Variants in GOLM2 observed in about 807,000 individuals in gnomAD.
The protein encoded by GOLM2 is protein GOLM2.
GOLM2 carries 26 observed loss-of-function variants against 55.9 expected under a neutral mutation model. The ratio of observed to expected loss-of-function variants is 0.47; its 90% CI spans 0.34 to 0.65. The LOEUF (loss-of-function observed/expected upper bound fraction) is 0.65, where lower values mean the gene tolerates loss of function less well. GOLM2 is among the 30% of genes least tolerant of loss of function. GOLM2 has a pLI of 0.01. For synonymous variants in GOLM2, 165 were observed against 194.6 expected, an observed-to-expected ratio of 0.85 and a Z score of 1.27; for missense variants, 486 against 531.8, an observed-to-expected ratio of 0.91 and a Z score of 0.85.
At position 44,298,091 on chromosome 15, in the gene GOLM2, G is replaced by A. The variant is rs574657586; in HGVS notation, c.327+8735G>A. Among the ~76,000 whole-genome samples, 117 of 150,828 alleles carry A rather than the reference G, an allele frequency of 7.8e-4. 3 individuals are homozygous for A. In the South Asian group the frequency reaches 0.024, roughly 30 times the overall value. On this transcript the variant is annotated intron_variant, in intron 1 of 9. Transcript: ENST00000299957. ...TCACCATGTTGGCCAAGCTGGTCTC[G>A]AACTCCTGACCTTGTGAACCGTCCA...
At chr15:44,337,669 C>T (rs145784899) in intron 4 of GOLM2, 94 bp from the exon 5 acceptor site, 1 of 861,256 alleles carries the variant, frequency 1.2e-6, no homozygotes, top group African/African-American at 1.8e-5. Context: ...ATATGTTTTA[C>T]AAGATGAACT....
chr15:44,410,492 TAAAGTA>T (rs1210338401), intron 9 of GOLM2, among the ~76,000 whole-genome samples: 4 of 152,068 alleles, frequency 2.6e-5, no homozygotes, highest in Non-Finnish European at 5.9e-5. Context: ...AGCATGTATA[TAAAGTA>T]AAAGTGTGAA....
At chr15:44,290,688 G>A (rs8024461) in intron 1 of GOLM2, among the ~76,000 whole-genome samples, 92,753 of 152,124 alleles carry the variant, frequency 0.61, 31,035 homozygotes, top group African/African-American at 0.9. Flanking sequence ...TGGCATGGTT[G>A]AGCATTACAA....
At chr15:44,345,604 A>C (rs935617673) in intron 6 of GOLM2, among the ~76,000 whole-genome samples, 5 of 152,104 alleles carry the variant, frequency 3.3e-5, no homozygotes, top group Admixed American at 2.0e-4. Context: ...TGCAATGCAA[A>C]TATCTTCTCT....
chr15:44,380,665 TA>T (rs75582759), intron 7 of GOLM2, 140 bp from the exon 8 acceptor site: 72,314 of 361,030 alleles, frequency 0.2, 3 homozygotes, highest in Middle Eastern at 0.25. Context: ...AATAAACCTT[TA>T]AAAAAAAAAA....
intron 1 of GOLM2, among the ~76,000 whole-genome samples, chr15:44,312,770 ACC>A (rs2078882741): frequency 6.6e-6 from 1 of 151,114 alleles, no homozygotes; most frequent in Non-Finnish European, 1.5e-5. Flanking sequence ...ACCTGGTGAA[ACC>A]CCGTCTCTAC....
intron 8 of GOLM2, among the ~76,000 whole-genome samples, chr15:44,385,769 G>T (rs1386440995): frequency 2.6e-5 from 4 of 152,018 alleles, no homozygotes; most frequent in Admixed American, 2.6e-4. Context: ...TCTTGCCCTG[G>T]CTGGTCTCCA....
chr15:44,361,484 A>G (rs2141171630), intron 6 of GOLM2, among the ~76,000 whole-genome samples: 1 of 152,240 alleles, frequency 6.6e-6, no homozygotes, highest in South Asian at 2.1e-4. Flanking sequence ...CACTCTCCCA[A>G]GACTAAACCA....
intron 4 of GOLM2, among the ~76,000 whole-genome samples, chr15:44,337,030 G>T (rs2079062123): frequency 6.6e-6 from 1 of 152,050 alleles, no homozygotes; most frequent in Admixed American, 6.6e-5. Context: ...CTGCATTAGA[G>T]TTTACAAAGC....
intron 1 of GOLM2, among the ~76,000 whole-genome samples, chr15:44,312,217 C>T (rs1225356920): frequency 6.6e-6 from 1 of 152,148 alleles, no homozygotes; most frequent in Non-Finnish European, 1.5e-5. Flanking sequence ...AGCACAGCTG[C>T]AGAAAATCAT....
chr15:44,311,043 A>G (rs1405866895), intron 1 of GOLM2, among the ~76,000 whole-genome samples: 2 of 152,040 alleles, frequency 1.3e-5, no homozygotes, highest in Non-Finnish European at 2.9e-5. Context: ...AAAACGAACA[A>G]GCAAAAAACA....
intron 1 of GOLM2, among the ~76,000 whole-genome samples, chr15:44,304,532 G>A (rs770830081): frequency 2.6e-5 from 4 of 151,944 alleles, no homozygotes; most frequent in Admixed American, 1.3e-4. Context: ...ATAAGCCATC[G>A]CTCCCAGCCC....
intron 8 of GOLM2, among the ~76,000 whole-genome samples, chr15:44,401,923 G>C (rs1420599582): frequency 6.7e-6 from 1 of 149,216 alleles, no homozygotes; most frequent in Non-Finnish European, 1.5e-5. Context: ...TCTGCCTCCC[G>C]GGCTCAAGCA....
At chr15:44,328,122 A>C (rs551154071) in intron 2 of GOLM2, among the ~76,000 whole-genome samples, 15 of 152,238 alleles carry the variant, frequency 9.9e-5, no homozygotes, top group Non-Finnish European at 1.8e-4. Flanking sequence ...AAAGTGTAAC[A>C]ATGTGTAATT....
chr15:44,327,667 CCTAT>C (rs2078993852), intron 2 of GOLM2, among the ~76,000 whole-genome samples: 1 of 152,144 alleles, frequency 6.6e-6, no homozygotes, highest in South Asian at 2.1e-4. Context: ...TTTAAAATCA[CCTAT>C]CTGTGAAATT....
At chr15:44,407,854 C>A (rs2079608320) in intron 9 of GOLM2, among the ~76,000 whole-genome samples, 1 of 151,424 alleles carries the variant, frequency 6.6e-6, no homozygotes, top group South Asian at 2.1e-4. Flanking sequence ...CAGGTTCAAG[C>A]AATTCTCTTG....
intron 2 of GOLM2, among the ~76,000 whole-genome samples, chr15:44,327,665 C>T (rs1292517758): frequency 1.3e-5 from 2 of 152,162 alleles, no homozygotes; most frequent in African/African-American, 2.4e-5. Flanking sequence ...TTTTTAAAAT[C>T]ACCTATCTGT....
intron 8 of GOLM2, among the ~76,000 whole-genome samples, chr15:44,388,232 C>T (rs1042261822): frequency 2.8e-5 from 4 of 142,324 alleles, no homozygotes; most frequent in African/African-American, 1.1e-4. Context: ...CAAGATTGCG[C>T]CACTGTACTC....
chr15:44,310,438 T>TTCTCTCTCTCTC (rs778563022), intron 1 of GOLM2, among the ~76,000 whole-genome samples: 219 of 136,478 alleles, frequency 1.6e-3, no homozygotes, highest in African/African-American at 5.0e-3. Flanking sequence ...GAGTCTCTCT[T>TTCTCTCTCTCTC]TCTCTCTCTC....
Sources: allele counts gnomAD v4.1 joint callset (sites outside exome capture counted in the v4.1 genomes callset), GRCh38; gene constraint gnomAD v4.1.1; transcripts MANE v1.5; gene names NCBI Gene and HGNC (gene_info 2026-07-23, HGNC 2026-07-21).